AGO2: variants seen among roughly 807,000 people sequenced by gnomAD.
The protein encoded by AGO2 is protein argonaute-2.
AGO2 carries 5 observed loss-of-function variants against 102.3 expected under a neutral mutation model. The observed-to-expected ratio is 0.05, with a 90% CI of 0.03 to 0.10. The LOEUF (loss-of-function observed/expected upper bound fraction) is 0.10. AGO2 is among the 10% of genes least tolerant of loss of function. The pLI, the probability that AGO2 is intolerant of heterozygous loss-of-function variation, is 1.00. For missense variants in AGO2, 541 were observed against 1,183.7 expected (o/e 0.46, Z 7.97); for synonymous variants, 449 against 473.1 (o/e 0.95, Z 0.66).
intron 16 of AGO2, among the ~76,000 whole-genome samples, chr8:140,536,068 G>A (rs2132864305): frequency 6.6e-6 from 1 of 152,324 alleles, no homozygotes; most frequent in African/African-American, 2.4e-5. Context: ...CCCAGCACCT[G>A]AGAGAGCAGG....
intron 4 of AGO2, among the ~76,000 whole-genome samples, chr8:140,561,091 G>A (rs1250873294): frequency 1.3e-5 from 2 of 152,260 alleles, no homozygotes; most frequent in Non-Finnish European, 2.9e-5. Flanking sequence ...GCCAGCGTGA[G>A]GGCTTCACAA....
chr8:140,609,471 G>A (rs1018128101), intron 1 of AGO2, among the ~76,000 whole-genome samples: 25 of 152,294 alleles, frequency 1.6e-4, no homozygotes, highest in African/African-American at 5.8e-4. Context: ...TCGGCACGGC[G>A]GCCCGCCCAT....
At chr8:140,545,613 C>T (rs975629605) in intron 13 of AGO2, among the ~76,000 whole-genome samples, 11 of 152,200 alleles carry the variant, frequency 7.2e-5, no homozygotes, top group Non-Finnish European at 1.0e-4. Flanking sequence ...AGTTCATCCA[C>T]GCCCAGTGCT....
rs2073717170 is a variant in AGO2 at position 140,589,611 on chromosome 8, A to T, written c.23-4300T>A. Among the ~76,000 whole-genome samples, 2 of 152,220 alleles carry T rather than the reference A, an allele frequency of 1.3e-5. No individual in the cohort carries two copies. The highest frequency in any genetic ancestry group is 4.8e-5 in the African/African-American group (2 of 41,452). On this transcript the variant is annotated intron_variant, in intron 1 of 18. Transcript: ENST00000220592. The surrounding 1 kb of genome is among the most constrained non-coding windows in gnomAD (Gnocchi z 4.2). ...CCCGATGGTCCTCCTAGAACTCTGC[A>T]TTCATTACACTGGGCATCAGCCAGA...
At chr8:140,556,349 G>T in intron 8 of AGO2, 63 bp from the exon 9 acceptor site, 1 of 1,590,656 alleles carries the variant, frequency 6.3e-7, no homozygotes, top group Non-Finnish European at 8.6e-7. Flanking sequence ...GGAGCAGGCA[G>T]GGGGCTCAGG....
intron 17 of AGO2, 180 bp downstream of exon 17, chr8:140,535,288 C>T: frequency 4.7e-6 from 3 of 636,748 alleles, no homozygotes; most frequent in South Asian, 1.8e-5. Context: ...GACCCACCCC[C>T]CAGGCCCCTC....
chr8:140,549,405 T>C lies in AGO2; in HGVS notation c.1404-107A>G, dbSNP rs112314461. On this transcript the variant is annotated intron_variant, in intron 11 of 18. Transcript: ENST00000220592. ...GTCATTTTTACAAAGCCCAAAGCAC[T>C]TTCATTGAGGTCAAAATTGTTCTTA... 9.0e-5 allele frequency: 104 copies of C among 1,149,650 alleles called. No individual in the cohort carries two copies. In the African/African-American group the frequency reaches 1.5e-3, roughly 16 times the overall value. The allele number at this position is 1,149,650 out of a possible 1,614,324, so 71.2% of individuals were successfully genotyped here.
the AGO2 span, among the ~76,000 whole-genome samples, chr8:140,642,202 C>T: frequency 2.9e-4 from 44 of 152,220 alleles, no homozygotes; most frequent in Middle Eastern, 3.4e-3. Context: ...CGGATTGGGA[C>T]GCTGGGGAGA....
chr8:140,642,173 G>A, the AGO2 span, among the ~76,000 whole-genome samples: 2 of 152,328 alleles, frequency 1.3e-5, no homozygotes, highest in East Asian at 3.9e-4. Flanking sequence ...TTTCACAATG[G>A]AGGGAGACAG....
intron 1 of AGO2, among the ~76,000 whole-genome samples, chr8:140,618,823 A>G (rs1267029470): frequency 1.3e-5 from 2 of 152,050 alleles, no homozygotes; most frequent in Non-Finnish European, 2.9e-5. Context: ...CTCAAAAAAA[A>G]AAGAAAAGAA....
chr8:140,617,199 G>A (rs1489866606), intron 1 of AGO2, among the ~76,000 whole-genome samples: 1 of 152,088 alleles, frequency 6.6e-6, no homozygotes, highest in East Asian at 1.9e-4. Flanking sequence ...AGCACCTGCT[G>A]TACACCAGGC....
chr8:140,559,326 G>A, intron 6 of AGO2, 69 bp downstream of exon 6: 2 of 1,575,818 alleles, frequency 1.3e-6, no homozygotes, highest in Non-Finnish European at 1.7e-6. Context: ...ACTGCAAAAT[G>A]CGGTCCCGGA....
chr8:140,627,468 C>T (rs1225731352), intron 1 of AGO2, among the ~76,000 whole-genome samples: 1 of 152,160 alleles, frequency 6.6e-6, no homozygotes, highest in Non-Finnish European at 1.5e-5. Flanking sequence ...CACTAACTCT[C>T]TAAGGACAAA....
At chr8:140,634,191 G>T (rs976759658) in intron 1 of AGO2, among the ~76,000 whole-genome samples, 1 of 152,242 alleles carries the variant, frequency 6.6e-6, no homozygotes, top group Non-Finnish European at 1.5e-5. Flanking sequence ...GTCAGACTCC[G>T]CCTTGTTGAA....
intron 1 of AGO2, among the ~76,000 whole-genome samples, chr8:140,619,416 GC>G (rs2074185406): frequency 6.6e-6 from 1 of 152,182 alleles, no homozygotes; most frequent in South Asian, 2.1e-4. Context: ...CGACAATGCG[GC>G]CCAGCAATGC....
At chr8:140,560,592 C>A (rs1230196113) in intron 4 of AGO2, 82 bp from the exon 5 acceptor site, 4 of 1,487,604 alleles carry the variant, frequency 2.7e-6, no homozygotes, top group African/African-American at 1.4e-5. Context: ...GCTTCGCCTG[C>A]GCCCACCACA....
intron 10 of AGO2, among the ~76,000 whole-genome samples, chr8:140,554,410 C>A (rs1362176683): frequency 6.6e-6 from 1 of 152,172 alleles, no homozygotes; most frequent in African/African-American, 2.4e-5. Context: ...CGCAGCAGTG[C>A]TAGAGGACAA....
chr8:140,616,301 T>G (rs2074142131), intron 1 of AGO2, among the ~76,000 whole-genome samples: 1 of 152,224 alleles, frequency 6.6e-6, no homozygotes, highest in South Asian at 2.1e-4. Context: ...GCCACCCACT[T>G]ACACAGCCAT....
intron 2 of AGO2, among the ~76,000 whole-genome samples, chr8:140,573,823 T>C (rs959803931): frequency 7.2e-5 from 11 of 152,350 alleles, no homozygotes; most frequent in Non-Finnish European, 1.5e-4. Flanking sequence ...TGGGCCTTGC[T>C]GTGGCCACTA....
Sources: gnomAD v4.1 joint callset for allele counts (sites outside exome capture counted in the v4.1 genomes callset) on GRCh38, gnomAD v4.1.1 for gene constraint, Gnocchi (gnomAD v3.1) non-coding constraint, MANE v1.5 for transcripts, NCBI Gene and HGNC (gene_info 2026-07-23, HGNC 2026-07-21) for gene names.